LHFPL6: variants seen among roughly 807,000 people sequenced by gnomAD.
LHFPL6 encodes the protein LHFPL tetraspan subfamily member 6 protein.
A neutral mutation model predicts 20.6 loss-of-function variants in LHFPL6; 9 were observed. That is an observed-to-expected ratio of 0.44 (90% CI 0.26 to 0.76). LHFPL6 has a LOEUF of 0.76. LHFPL6 is among the 30% of genes least tolerant of loss of function. The pLI is 0.20. For synonymous variants in LHFPL6, 105 were observed against 98.7 expected, an observed-to-expected ratio of 1.06 and a Z score of -0.38; for missense variants, 218 against 253.5, an observed-to-expected ratio of 0.86 and a Z score of 0.95.
intron 3 of LHFPL6, among the ~76,000 whole-genome samples, chr13:39,363,530 T>G (rs1468384402): frequency 6.6e-6 from 1 of 152,140 alleles, no homozygotes; most frequent in African/African-American, 2.4e-5. Context: ...TACAAAAACA[T>G]GCAAACTAGA....
chr13:39,407,787 C>T (rs534987469), intron 2 of LHFPL6, among the ~76,000 whole-genome samples: 13 of 152,282 alleles, frequency 8.5e-5, no homozygotes, highest in African/African-American at 2.6e-4. Flanking sequence ...GAATTTATGA[C>T]CTGTCAACTT....
At chr13:39,352,517 T>C (rs1277936619) in intron 3 of LHFPL6, among the ~76,000 whole-genome samples, 2 of 152,126 alleles carry the variant, frequency 1.3e-5, no homozygotes, top group East Asian at 3.9e-4. Context: ...AAAACCTCCA[T>C]GTTTACAGTT....
intron 2 of LHFPL6, among the ~76,000 whole-genome samples, chr13:39,594,151 A>G (rs1566150265): frequency 6.6e-6 from 1 of 152,248 alleles, no homozygotes; most frequent in Non-Finnish European, 1.5e-5. Context: ...CTGCACAGCC[A>G]AAGAAACTAC....
chr13:39,477,741 G>T (rs746770320), intron 2 of LHFPL6, among the ~76,000 whole-genome samples: 12 of 152,208 alleles, frequency 7.9e-5, no homozygotes, highest in Non-Finnish European at 1.5e-4. Flanking sequence ...CCCTAGTCAA[G>T]TGAGAAGAGA....
At chr13:39,381,502 C>T (rs1290024566) in intron 2 of LHFPL6, among the ~76,000 whole-genome samples, 1 of 152,054 alleles carries the variant, frequency 6.6e-6, no homozygotes, top group Non-Finnish European at 1.5e-5. Context: ...TAGATACTCC[C>T]CTCCAACAAC....
intron 2 of LHFPL6, among the ~76,000 whole-genome samples, chr13:39,422,035 T>C (rs937789342): frequency 3.0e-4 from 45 of 152,332 alleles, no homozygotes; most frequent in African/African-American, 8.4e-4. Flanking sequence ...TTATTACTAA[T>C]GATTAAGTCT....
chr13:39,596,809 C>G (rs575243978), intron 2 of LHFPL6, among the ~76,000 whole-genome samples: 1 of 152,278 alleles, frequency 6.6e-6, no homozygotes, highest in East Asian at 1.9e-4. Context: ...TAGCTTATTA[C>G]TCAGCTGTCA....
At chr13:39,424,655 A>C (rs536964686) in intron 2 of LHFPL6, among the ~76,000 whole-genome samples, 2 of 152,190 alleles carry the variant, frequency 1.3e-5, no homozygotes, top group Non-Finnish European at 2.9e-5. Context: ...GATTGTTACA[A>C]AGTGAAAAAA....
At chr13:39,539,697 GTGTT>G (rs925420512) in intron 2 of LHFPL6, among the ~76,000 whole-genome samples, 1 of 152,212 alleles carries the variant, frequency 6.6e-6, no homozygotes, top group Admixed American at 6.5e-5. Flanking sequence ...ATTAAAATGT[GTGTT>G]TGTCTGTCTG....
At chr13:39,440,509 G>A (rs976926768) in intron 2 of LHFPL6, among the ~76,000 whole-genome samples, 1 of 152,156 alleles carries the variant, frequency 6.6e-6, no homozygotes. Context: ...AGAAAACAGA[G>A]AGCAAATACA....
At chr13:39,450,831 T>C (rs938040432) in intron 2 of LHFPL6, among the ~76,000 whole-genome samples, 76 of 152,288 alleles carry the variant, frequency 5.0e-4, no homozygotes, top group Admixed American at 4.3e-3. Flanking sequence ...TTTACTTAGC[T>C]GAATTATAAA....
intron 3 of LHFPL6, among the ~76,000 whole-genome samples, chr13:39,377,049 C>T (rs1207464040): frequency 6.6e-6 from 1 of 152,088 alleles, no homozygotes; most frequent in African/African-American, 2.4e-5. Context: ...ACGCTCTCAC[C>T]ATACCCAGAA....
At chr13:39,352,496 C>T (rs963325789) in intron 3 of LHFPL6, among the ~76,000 whole-genome samples, 9 of 152,268 alleles carry the variant, frequency 5.9e-5, no homozygotes, top group African/African-American at 2.2e-4. Context: ...TGACTGCATG[C>T]CATTTATCAC....
chr13:39,450,864 C>T (rs1872426241), intron 2 of LHFPL6, among the ~76,000 whole-genome samples: 1 of 152,038 alleles, frequency 6.6e-6, no homozygotes, highest in East Asian at 1.9e-4. Flanking sequence ...TATAAACATA[C>T]AGTAACTGAG....
intron 2 of LHFPL6, among the ~76,000 whole-genome samples, chr13:39,512,280 C>T (rs1456052004): frequency 6.6e-6 from 1 of 152,102 alleles, no homozygotes; most frequent in Non-Finnish European, 1.5e-5. Flanking sequence ...CCTTTCCTTC[C>T]TTATTTTCAA....
chr13:39,465,419 C>A (rs1872779757), intron 2 of LHFPL6, among the ~76,000 whole-genome samples: 1 of 152,098 alleles, frequency 6.6e-6, no homozygotes, highest in South Asian at 2.1e-4. Flanking sequence ...ATAACTCATT[C>A]CCCTAATTTA....
intron 2 of LHFPL6, among the ~76,000 whole-genome samples, chr13:39,565,790 T>C (rs1871694782): frequency 6.6e-6 from 1 of 152,210 alleles, no homozygotes; most frequent in African/African-American, 2.4e-5. Context: ...CAAATTCCAG[T>C]GCTGTTGACT....
At chr13:39,430,091 T>C (rs780081156) in intron 2 of LHFPL6, among the ~76,000 whole-genome samples, 6 of 152,252 alleles carry the variant, frequency 3.9e-5, no homozygotes, top group Non-Finnish European at 8.8e-5. Flanking sequence ...ATTTCTTTAG[T>C]GATCTCATCC....
At chr13:39,417,338 G>A (rs972125628) in intron 2 of LHFPL6, among the ~76,000 whole-genome samples, 11 of 152,230 alleles carry the variant, frequency 7.2e-5, no homozygotes, top group African/African-American at 2.7e-4. Flanking sequence ...GGTCACACCA[G>A]CTGCATAATA....
Sources: allele counts gnomAD v4.1 joint callset (sites outside exome capture counted in the v4.1 genomes callset), GRCh38; gene constraint gnomAD v4.1.1; transcripts MANE v1.5; gene names NCBI Gene and HGNC (gene_info 2026-07-23, HGNC 2026-07-21).